Variants in EZR observed in about 807,000 individuals in gnomAD.
EZR encodes ezrin, also known as cytovillin 2.
Under a neutral mutation model 74.8 loss-of-function variants are expected in EZR, and 40 were observed. The ratio of observed to expected loss-of-function variants is 0.53; its 90% CI spans 0.42 to 0.70. The LOEUF is 0.70. EZR is among the 30% of genes least tolerant of loss of function. The pLI is 0.00. For missense variants in EZR, 678 were observed against 755.8 expected, an observed-to-expected ratio of 0.90 and a Z score of 1.21; for synonymous variants, 341 against 283.3, an observed-to-expected ratio of 1.20 and a Z score of -2.05.
At chr6:158,768,691 T>C (rs1441171637) in intron 12 of EZR, among the ~76,000 whole-genome samples, 1 of 152,170 alleles carries the variant, frequency 6.6e-6, no homozygotes, top group Admixed American at 6.5e-5. Flanking sequence ...CGTCCCACAA[T>C]GAGAGCTACA....
At chr6:158,797,537 G>A (rs563338454) in intron 2 of EZR, among the ~76,000 whole-genome samples, 26 of 152,002 alleles carry the variant, frequency 1.7e-4, no homozygotes, top group Admixed American at 1.3e-3. Flanking sequence ...AAATGTCAAC[G>A]CTGTTTTCCA....
rs557800308 is a variant in EZR at position 158,797,362 on chromosome 6, T to C, written c.13-7991A>G. Among the ~76,000 whole-genome samples the C allele has an allele frequency of 3.9e-5, 6 of 152,292 alleles. No homozygotes were observed. In the South Asian group the frequency reaches 1.2e-3, roughly 32 times the overall value. On this transcript the variant is annotated intron_variant, in intron 2 of 13. Coordinates refer to ENST00000367075, the MANE Select transcript of EZR (RefSeq NM_001111077.2). The stretch of plus-strand genomic sequence containing the variant: ...AACCATGTAAAATAAGAAAGGGAAA[T>C]TCAAATGGGAGCATTTGAATGTCTG...
intron 2 of EZR, among the ~76,000 whole-genome samples, chr6:158,805,336 GGA>G (rs1491577506): frequency 2.3e-5 from 2 of 85,772 alleles, no homozygotes; most frequent in Non-Finnish European, 4.2e-5. Flanking sequence ...CTCCATCTCA[GGA>G]AAAAAAAAAA....
At chr6:158,798,208 T>G (rs1777113380) in intron 2 of EZR, among the ~76,000 whole-genome samples, 2 of 151,912 alleles carry the variant, frequency 1.3e-5, no homozygotes, top group South Asian at 4.1e-4. Flanking sequence ...TGGCTGTCAC[T>G]TCTGTCTACC....
intron 2 of EZR, among the ~76,000 whole-genome samples, chr6:158,815,744 G>A (rs953208423): frequency 2.6e-5 from 4 of 152,154 alleles, no homozygotes; most frequent in Admixed American, 6.5e-5. Context: ...TTACAGGCTC[G>A]TGCCTGTAAT....
chr6:158,775,031 G>A (rs979793327), intron 8 of EZR, among the ~76,000 whole-genome samples: 8 of 120,928 alleles, frequency 6.6e-5, no homozygotes, highest in Admixed American at 5.7e-4. Context: ...AACAGCAGGA[G>A]CCCTTTTTTT....
At chr6:158,794,303 C>CCACCAGCACCAG (rs960134177) in intron 2 of EZR, among the ~76,000 whole-genome samples, 2 of 152,050 alleles carry the variant, frequency 1.3e-5, no homozygotes, top group Non-Finnish European at 1.5e-5. Flanking sequence ...ACCAGCACTA[C>CCACCAGCACCAG]CACCAGCACC....
chr6:158,805,822 C>CACTCA (rs1777325817), intron 2 of EZR, among the ~76,000 whole-genome samples: 1 of 152,166 alleles, frequency 6.6e-6, no homozygotes, highest in Non-Finnish European at 1.5e-5. Flanking sequence ...ACAACCCTAT[C>CACTCA]ACTCACCCCA....
intron 7 of EZR, among the ~76,000 whole-genome samples, chr6:158,780,476 G>A (rs964215115): frequency 2.6e-5 from 4 of 152,130 alleles, no homozygotes; most frequent in East Asian, 1.9e-4. Context: ...GAGTGCATAC[G>A]GAAAGAGACG....
chr6:158,795,823 T>C (rs1030234125), intron 2 of EZR, among the ~76,000 whole-genome samples: 1 of 152,040 alleles, frequency 6.6e-6, no homozygotes, highest in Non-Finnish European at 1.5e-5. Context: ...GAGGCCAAAT[T>C]TGGGAATCAC....
At chr6:158,782,273 C>T (rs1299513657) in intron 7 of EZR, among the ~76,000 whole-genome samples, 2 of 152,122 alleles carry the variant, frequency 1.3e-5, no homozygotes, top group African/African-American at 4.8e-5. Context: ...TAGATCTGTG[C>T]CCTGGGGTCT....
chr6:158,767,135 C>A (rs899410105), intron 13 of EZR, 57 bp from the exon 14 acceptor site: 2 of 1,601,046 alleles, frequency 1.2e-6, no homozygotes, highest in African/African-American at 2.7e-5. Context: ...CCCGGCCCGT[C>A]CCCTAGGAAA....
At chr6:158,811,538 CA>C (rs1777451114) in intron 2 of EZR, among the ~76,000 whole-genome samples, 1 of 152,068 alleles carries the variant, frequency 6.6e-6, no homozygotes, top group Non-Finnish European at 1.5e-5. Flanking sequence ...TTTCCTTTCC[CA>C]AACTATAATT....
intron 2 of EZR, among the ~76,000 whole-genome samples, chr6:158,805,521 G>A (rs1018764772): frequency 9.2e-5 from 14 of 151,968 alleles, no homozygotes; most frequent in Non-Finnish European, 2.9e-5. Flanking sequence ...AAGAAACTTC[G>A]ATTAGACAAG....
intron 7 of EZR, among the ~76,000 whole-genome samples, chr6:158,781,319 G>A (rs1239673258): frequency 6.6e-6 from 1 of 152,182 alleles, no homozygotes; most frequent in Non-Finnish European, 1.5e-5. Flanking sequence ...ATGGGGAGAA[G>A]AGAGGCAGAA....
intron 2 of EZR, among the ~76,000 whole-genome samples, chr6:158,803,220 T>G (rs1045655764): frequency 2.0e-5 from 3 of 151,848 alleles, no homozygotes; most frequent in Non-Finnish European, 4.4e-5. Flanking sequence ...ATCTACATGA[T>G]GTTACATTTT....
chr6:158,777,888 A>G (rs1342659564), intron 7 of EZR, among the ~76,000 whole-genome samples: 2 of 145,792 alleles, frequency 1.4e-5, no homozygotes, highest in African/African-American at 5.0e-5. Context: ...TTACAGTGCT[A>G]TGCTCTAGAA....
chr6:158,797,289 C>T (rs767221672), intron 2 of EZR, among the ~76,000 whole-genome samples: 9 of 152,120 alleles, frequency 5.9e-5, no homozygotes, highest in Non-Finnish European at 1.2e-4. Context: ...CAGAACACTG[C>T]AGGAAAAAAG....
At chr6:158,789,204 T>A in intron 3 of EZR, 84 bp downstream of exon 3, 1 of 990,798 alleles carries the variant, frequency 1.0e-6, no homozygotes, top group Non-Finnish European at 1.5e-6. Flanking sequence ...AACAAGGTAA[T>A]ATGCTTCGCA....
Sources: allele counts gnomAD v4.1 joint callset (sites outside exome capture counted in the v4.1 genomes callset), GRCh38; gene constraint gnomAD v4.1.1; transcripts MANE v1.5; gene names NCBI Gene and HGNC (gene_info 2026-07-23, HGNC 2026-07-21).